Variants in PRICKLE2 observed in about 807,000 individuals in gnomAD.
PRICKLE2 encodes prickle-like protein 2.
Under a neutral mutation model 81.4 loss-of-function variants are expected in PRICKLE2, and 21 were observed. The observed-to-expected ratio is 0.26, with a 90% CI of 0.18 to 0.37. The LOEUF is 0.37. Among genes scored for constraint, PRICKLE2 ranks in the 10% least tolerant of loss-of-function variants. PRICKLE2 has a pLI of 1.00. For missense variants in PRICKLE2, 940 were observed against 1,109.0 expected (o/e 0.85, Z 2.16); for synonymous variants, 456 against 421.5 (o/e 1.08, Z -1.00).
intron 7 of PRICKLE2, among the ~76,000 whole-genome samples, chr3:64,144,842 GA>G (rs2077419570): frequency 6.6e-6 from 1 of 152,272 alleles, no homozygotes; most frequent in African/African-American, 2.4e-5. Context: ...CAAGCCTGCT[GA>G]AAACGCACTT....
intron 2 of PRICKLE2, among the ~76,000 whole-genome samples, chr3:64,243,509 A>C (rs2079299528): frequency 6.6e-6 from 1 of 152,214 alleles, no homozygotes. Flanking sequence ...GGTTCATATA[A>C]GGTAGAGGAT....
At chr3:64,137,131 T>G (rs906842451) in intron 7 of PRICKLE2, among the ~76,000 whole-genome samples, 3 of 152,178 alleles carry the variant, frequency 2.0e-5, no homozygotes, top group African/African-American at 7.2e-5. Flanking sequence ...TTTTCACTAT[T>G]TCTATCTTTT....
intron 2 of PRICKLE2, among the ~76,000 whole-genome samples, chr3:64,254,208 A>C (rs1223289486): frequency 1.3e-5 from 2 of 152,188 alleles, no homozygotes; most frequent in Non-Finnish European, 2.9e-5. Flanking sequence ...CCAGAGCCTC[A>C]TTACTAAAAC....
At chr3:64,246,624 C>T (rs765607279) in intron 2 of PRICKLE2, among the ~76,000 whole-genome samples, 21 of 152,074 alleles carry the variant, frequency 1.4e-4, no homozygotes, top group Non-Finnish European at 2.5e-4. Flanking sequence ...TGTTTTTCAG[C>T]GAGTCTGAGG....
chr3:64,151,224 C>T (rs190168763), intron 6 of PRICKLE2, among the ~76,000 whole-genome samples: 1 of 152,346 alleles, frequency 6.6e-6, no homozygotes, highest in Admixed American at 6.5e-5. Context: ...TGCTCTTTCA[C>T]TGTCACAGGA....
chr3:64,170,249 A>G (rs1244175247), intron 2 of PRICKLE2, among the ~76,000 whole-genome samples: 1 of 152,214 alleles, frequency 6.6e-6, no homozygotes, highest in Admixed American at 6.5e-5. Context: ...TAGGATTAGG[A>G]TCAAAATCAG....
intron 2 of PRICKLE2, among the ~76,000 whole-genome samples, chr3:64,253,010 T>C (rs1470338744): frequency 6.6e-6 from 1 of 152,170 alleles, no homozygotes; most frequent in Non-Finnish European, 1.5e-5. Context: ...TATGAGTACC[T>C]TCCAGTTCCA....
intron 2 of PRICKLE2, among the ~76,000 whole-genome samples, chr3:64,184,267 A>G (rs2078183567): frequency 6.6e-6 from 1 of 152,184 alleles, no homozygotes; most frequent in Admixed American, 6.5e-5. Flanking sequence ...TCTTCATTTT[A>G]TAGATGAGAA....
At chr3:64,208,573 G>A (rs1253344380) in intron 1 of PRICKLE2, among the ~76,000 whole-genome samples, 3 of 152,230 alleles carry the variant, frequency 2.0e-5, no homozygotes. Context: ...TCTGACTCCT[G>A]TTGCTCTAGC....
chr3:64,213,112 T>G (rs829522), intron 1 of PRICKLE2, among the ~76,000 whole-genome samples: 1 of 150,524 alleles, frequency 6.6e-6, no homozygotes, highest in Admixed American at 6.6e-5. Flanking sequence ...ATTTTTCTTT[T>G]GTTGCCCAAG....
At chr3:64,215,002 A>T (rs1247101116) in intron 1 of PRICKLE2, among the ~76,000 whole-genome samples, 1 of 152,008 alleles carries the variant, frequency 6.6e-6, no homozygotes, top group East Asian at 1.9e-4. Context: ...ACAATAGCCT[A>T]CTTCTTAATT....
Position 64,219,549 on chromosome 3 carries a change from T to C in PRICKLE2, c.-41+5361A>G, listed in dbSNP as rs149389971. The stretch of plus-strand genomic sequence containing the variant: ...TGACTTTCCAAGCAATCTCACACTT[T>C]CATTCCAAAAGCCACATTAAAAGCA... On this transcript the variant is annotated intron_variant, in intron 1 of 7. Transcript: ENST00000638394. Among the ~76,000 whole-genome samples, 493 of 152,288 alleles carry C rather than the reference T, an allele frequency of 3.2e-3. 2 individuals carry two copies. Among genetic ancestry groups the C allele is most frequent in the African/African-American group, 0.011 (460 of 41,558 alleles).
At chr3:64,111,700 T>C (rs544396601) in intron 7 of PRICKLE2, among the ~76,000 whole-genome samples, 1 of 152,278 alleles carries the variant, frequency 6.6e-6, no homozygotes, top group South Asian at 2.1e-4. Flanking sequence ...TATAGAAAGT[T>C]AAAATCCACC....
intron 2 of PRICKLE2, among the ~76,000 whole-genome samples, chr3:64,189,825 T>A (rs1330450420): frequency 6.6e-6 from 1 of 152,176 alleles, no homozygotes; most frequent in African/African-American, 2.4e-5. Context: ...GAATTTAACA[T>A]ATGGAAGATG....
rs1376503660 is a variant in PRICKLE2, at chr3:64,214,444, G to A, written c.-41+10466C>T. 6.6e-5 allele frequency among the ~76,000 whole-genome samples: 10 copies of A among 152,166 alleles called. 1 individual carries two copies. Among genetic ancestry groups the A allele is most frequent in the Admixed American group, 5.2e-4 (8 of 15,266 alleles). ...GAGAGACCTGGCTTTAGTCAAGTCC[G>A]AAGAAAGAAACAAAACAAACAAAAT... On this transcript the variant is annotated intron_variant, in intron 1 of 7. Coordinates refer to ENST00000638394, the MANE Select transcript of PRICKLE2 (RefSeq NM_198859.4).
chr3:64,129,370 T>C (rs1458287708), intron 7 of PRICKLE2, among the ~76,000 whole-genome samples: 3 of 152,222 alleles, frequency 2.0e-5, no homozygotes, highest in Non-Finnish European at 4.4e-5. Context: ...AATATATTAG[T>C]AGTTAACACA....
At chr3:64,203,659 C>T (rs979961426) in intron 1 of PRICKLE2, among the ~76,000 whole-genome samples, 1 of 151,970 alleles carries the variant, frequency 6.6e-6, no homozygotes, top group African/African-American at 2.4e-5. Flanking sequence ...GAATGAGCAT[C>T]GACAAGTAGA....
intron 2 of PRICKLE2, among the ~76,000 whole-genome samples, chr3:64,193,861 CACT>C (rs2078396691): frequency 6.6e-6 from 1 of 152,186 alleles, no homozygotes; most frequent in South Asian, 2.1e-4. Context: ...TTTCTGCCAT[CACT>C]GTGAGACTTC....
At chr3:64,135,603 C>T (rs980976216) in intron 7 of PRICKLE2, among the ~76,000 whole-genome samples, 16 of 152,008 alleles carry the variant, frequency 1.1e-4, no homozygotes, top group African/African-American at 2.7e-4. Flanking sequence ...GTGATAGCTG[C>T]CTCCCAGAGA....
Sources: gnomAD v4.1 joint callset for allele counts (sites outside exome capture counted in the v4.1 genomes callset) on GRCh38, gnomAD v4.1.1 for gene constraint, MANE v1.5 for transcripts, NCBI Gene and HGNC (gene_info 2026-07-23, HGNC 2026-07-21) for gene names.